Variants in UBE2B observed in about 807,000 individuals in gnomAD.
UBE2B encodes ubiquitin conjugating enzyme E2 B.
Under a neutral mutation model 24.6 loss-of-function variants are expected in UBE2B, and 11 were observed. The observed-to-expected ratio is 0.45, with a 90% confidence interval of 0.28 to 0.74. The LOEUF is 0.74. Ranked by LOEUF, UBE2B falls within the 30% of genes least tolerant of loss-of-function variation. UBE2B has a pLI of 0.13. For missense variants in UBE2B, 78 were observed against 185.6 expected (o/e 0.42, Z 3.37); for synonymous variants, 68 against 62.4 (o/e 1.09, Z -0.42).
At chr5:134,376,559 C>T (rs1272777270) in intron 2 of UBE2B, 110 bp from the exon 3 acceptor site, 2 of 1,171,244 alleles carry the variant, frequency 1.7e-6, no homozygotes, top group South Asian at 2.5e-5. Flanking sequence ...CTCCACAAAT[C>T]ATCAGAATGA....
intron 4 of UBE2B, among the ~76,000 whole-genome samples, chr5:134,383,473 C>CT (rs747399191): frequency 0.015 from 1,183 of 79,996 alleles, 157 homozygotes; most frequent in African/African-American, 0.025. Context: ...CCATACCCAG[C>CT]TTTTTTTTTT....
Position 134,390,242 on chromosome 5 carries a change from G to A in UBE2B, c.348G>A (p.Pro116=), listed in dbSNP as rs551093990. 61 of 1,613,896 alleles carry A rather than the reference G, an allele frequency of 3.8e-5. No homozygotes were observed. The highest frequency in any genetic ancestry group is 1.6e-4 in the Middle Eastern group (1 of 6,062). Residue 116 remains proline (P), a synonymous_variant, in exon 6 of 6, where the codon CCG becomes CCA. Transcript: ENST00000265339. This position sits in a 1 kb window ranked among gnomAD's most constrained non-coding sequence, Gnocchi z 4.6. ...CCTCCTAGTCTCTGCTGGATGAACC[G>A]AATCCTAACAGTCCAGCCAATAGCC... The part of the protein sequence containing the change: ...LTSIQSLLDE[P]NPNSPANSQA...
At chr5:134,373,955 G>A (rs959478447) in intron 1 of UBE2B, among the ~76,000 whole-genome samples, 19 of 152,218 alleles carry the variant, frequency 1.2e-4, no homozygotes, top group Admixed American at 1.2e-3. Flanking sequence ...ACGTGTGCAT[G>A]TGTCTTTATA....
intron 5 of UBE2B, chr5:134,389,904 C>T: frequency 2.8e-6 from 1 of 355,336 alleles, no homozygotes; most frequent in South Asian, 2.4e-5. Flanking sequence ...TGGGCTTGAA[C>T]TGCTGGGCTC....
At chr5:134,385,171 T>G (rs138420264) in intron 4 of UBE2B, among the ~76,000 whole-genome samples, 227 of 152,352 alleles carry the variant, frequency 1.5e-3, no homozygotes, top group African/African-American at 5.2e-3. Flanking sequence ...GTTTTACACT[T>G]TTATGGGTTT....
intron 2 of UBE2B, among the ~76,000 whole-genome samples, chr5:134,375,033 G>A (rs1295735360): frequency 2.0e-5 from 3 of 152,104 alleles, no homozygotes; most frequent in Non-Finnish European, 4.4e-5. Flanking sequence ...ATCTCTTGGG[G>A]TTTTACTTTT....
At chr5:134,383,121 C>T (rs531271854) in intron 4 of UBE2B, among the ~76,000 whole-genome samples, 1 of 151,932 alleles carries the variant, frequency 6.6e-6, no homozygotes, top group South Asian at 2.1e-4. Context: ...GCCAAGATCG[C>T]GCCACTGCAC....
At chr5:134,375,183 C>G (rs1758577679) in intron 2 of UBE2B, among the ~76,000 whole-genome samples, 1 of 152,202 alleles carries the variant, frequency 6.6e-6, no homozygotes, top group Non-Finnish European at 1.5e-5. Flanking sequence ...AGAACTTCCA[C>G]TGTGGCAAGA....
intron 3 of UBE2B, among the ~76,000 whole-genome samples, chr5:134,379,771 G>A (rs146917520): frequency 5.8e-4 from 89 of 152,182 alleles, no homozygotes; most frequent in African/African-American, 1.9e-3. Context: ...GAGTGCAGAA[G>A]CAGATAAGAG....
chr5:134,389,674 G>A (rs896474726), intron 5 of UBE2B, among the ~76,000 whole-genome samples: 18 of 151,406 alleles, frequency 1.2e-4, no homozygotes, highest in African/African-American at 4.1e-4. Context: ...TCAGCCTTCC[G>A]AGTAGCGGAT....
At position 134,380,745 on chromosome 5, in the gene UBE2B, T is replaced by G. The variant is rs1758694991; in HGVS notation, c.178T>G (p.Ser60Ala). 1 of 1,584,070 alleles carries G rather than the reference T, an allele frequency of 6.3e-7. No homozygotes were observed. The highest frequency in any genetic ancestry group is 8.7e-7 in the Non-Finnish European group (1 of 1,153,388). The change falls in exon 4 of 6, where the codon TCT becomes GCT. Residue 60 changes from serine (S) to alanine (A), a missense_variant. Coordinates refer to ENST00000265339, the MANE Select transcript of UBE2B (RefSeq NM_003337.4). The stretch of plus-strand genomic sequence containing the variant: ...TACTTTTAAACTAGTAATAGAATTT[T>G]CTGAAGAATATCCAAATAAACCACC... Reference protein sequence around the residue: ...DGTFKLVIEFSEEYPNKPPTV... With the variant: ...DGTFKLVIEFAEEYPNKPPTV...
intron 3 of UBE2B, among the ~76,000 whole-genome samples, chr5:134,378,509 A>G (rs1409106656): frequency 2.0e-5 from 3 of 152,096 alleles, no homozygotes; most frequent in Non-Finnish European, 4.4e-5. Context: ...TGATCTGCCC[A>G]CCTTGGCCAC....
At chr5:134,375,825 A>T (rs1023389622) in intron 2 of UBE2B, among the ~76,000 whole-genome samples, 1 of 144,372 alleles carries the variant, frequency 6.9e-6, no homozygotes, top group East Asian at 2.0e-4. Flanking sequence ...AAAAAAAAAA[A>T]ACTTTATGCT....
intron 4 of UBE2B, among the ~76,000 whole-genome samples, chr5:134,386,016 A>G (rs1758794749): frequency 1.4e-5 from 2 of 143,734 alleles, no homozygotes; most frequent in African/African-American, 2.7e-5. Context: ...CCATCTCAAA[A>G]AAAAAGAAAA....
intron 4 of UBE2B, among the ~76,000 whole-genome samples, chr5:134,382,378 CAGG>C (rs1203890601): frequency 6.6e-6 from 1 of 152,008 alleles, no homozygotes; most frequent in Non-Finnish European, 1.5e-5. Context: ...CACTTGAGCC[CAGG>C]AGGTCAAGGC....
intron 4 of UBE2B, among the ~76,000 whole-genome samples, chr5:134,382,333 GTC>G (rs1404138146): frequency 1.3e-5 from 2 of 152,076 alleles, no homozygotes; most frequent in African/African-American, 4.8e-5. Flanking sequence ...CACACCTGTA[GTC>G]TCAGCTACTT....
intron 2 of UBE2B, among the ~76,000 whole-genome samples, chr5:134,375,401 G>A (rs566112582): frequency 6.6e-6 from 1 of 152,068 alleles, no homozygotes; most frequent in Non-Finnish European, 1.5e-5. Flanking sequence ...AGTAAAAGGA[G>A]TATGTTGATA....
chr5:134,389,311 G>A (rs1758861297), intron 5 of UBE2B, among the ~76,000 whole-genome samples: 1 of 152,062 alleles, frequency 6.6e-6, no homozygotes, highest in African/African-American at 2.4e-5. Context: ...CCTGCTAAAT[G>A]TATATGTTTT....
At chr5:134,378,947 CAGT>C (rs1280182583) in intron 3 of UBE2B, among the ~76,000 whole-genome samples, 1 of 142,338 alleles carries the variant, frequency 7.0e-6, no homozygotes, top group Non-Finnish European at 1.6e-5. Flanking sequence ...AAAAAAAAAA[CAGT>C]GGGGGGATCT....
Sources: allele counts gnomAD v4.1 joint callset (sites outside exome capture counted in the v4.1 genomes callset), GRCh38; gene constraint gnomAD v4.1.1; non-coding constraint Gnocchi (gnomAD v3.1); transcripts MANE v1.5; gene names NCBI Gene and HGNC (gene_info 2026-07-23, HGNC 2026-07-21).